The following TMEM177 variants were observed in gnomAD, a reference collection of about 807,000 sequenced individuals.
TMEM177 encodes transmembrane protein 177.
In TMEM177, 4 loss-of-function variants were observed where a neutral mutation model predicts 14.2. The observed-to-expected ratio is 0.28, with a 90% confidence interval of 0.14 to 0.64. The LOEUF (loss-of-function observed/expected upper bound fraction) is 0.64, where lower values mean the gene tolerates loss of function less well. Among genes scored for constraint, TMEM177 ranks in the 30% least tolerant of loss-of-function variants. TMEM177 has a pLI of 0.82. For missense variants in TMEM177, 344 were observed against 405.2 expected (o/e 0.85, Z 1.30); for synonymous variants, 179 against 174.5 (o/e 1.03, Z -0.20).
At chr2:119,699,351 C>G in the TMEM177 span, among the ~76,000 whole-genome samples, 14 of 152,162 alleles carry the variant, frequency 9.2e-5, no homozygotes, top group Non-Finnish European at 2.1e-4. Flanking sequence ...ATCACAAGCA[C>G]GGCACGGGGG....
downstream of TMEM177, among the ~76,000 whole-genome samples, chr2:119,688,848 C>T (rs903882541): frequency 1.3e-5 from 2 of 152,190 alleles, no homozygotes; most frequent in African/African-American, 2.4e-5. Flanking sequence ...TGCTGCGGAG[C>T]GGATTTGACT....
At chr2:119,714,408 T>C in the TMEM177 span, among the ~76,000 whole-genome samples, 2 of 152,118 alleles carry the variant, frequency 1.3e-5, no homozygotes, top group African/African-American at 4.8e-5. Context: ...AAAAAGTAAA[T>C]TGAGGGCTGT....
At chr2:119,703,373 G>T in the TMEM177 span, among the ~76,000 whole-genome samples, 1 of 152,156 alleles carries the variant, frequency 6.6e-6, no homozygotes, top group East Asian at 1.9e-4. Context: ...CTGTGGAGAG[G>T]CCCCATCCAC....
At chr2:119,697,362 A>T in the TMEM177 span, among the ~76,000 whole-genome samples, 1 of 152,188 alleles carries the variant, frequency 6.6e-6, no homozygotes, top group African/African-American at 2.4e-5. Context: ...GGAATTTGAG[A>T]TCAGCCCAGG....
the TMEM177 span, among the ~76,000 whole-genome samples, chr2:119,707,250 T>C: frequency 1.3e-5 from 2 of 152,250 alleles, no homozygotes; most frequent in Admixed American, 6.5e-5. Flanking sequence ...CTACACCTCA[T>C]TGGCCAGAAC....
chr2:119,711,784 G>A, the TMEM177 span, among the ~76,000 whole-genome samples: 1 of 152,150 alleles, frequency 6.6e-6, no homozygotes, highest in Non-Finnish European at 1.5e-5. Context: ...TGACTCCATG[G>A]AACAAAGGAG....
the TMEM177 span, among the ~76,000 whole-genome samples, chr2:119,713,560 C>T: frequency 6.6e-6 from 1 of 152,140 alleles, no homozygotes; most frequent in Non-Finnish European, 1.5e-5. Flanking sequence ...CACCATCTGG[C>T]CTGGCATGAT....
the TMEM177 span, among the ~76,000 whole-genome samples, chr2:119,712,187 A>G: frequency 3.3e-5 from 5 of 151,144 alleles, no homozygotes; most frequent in African/African-American, 4.9e-5. Context: ...TTCTTTATCT[A>G]TAAAAATGGA....
chr2:119,688,993 G>A (rs1243410883), downstream of TMEM177, among the ~76,000 whole-genome samples: 6 of 151,992 alleles, frequency 3.9e-5, no homozygotes, highest in Non-Finnish European at 7.4e-5. Flanking sequence ...ACTGTGGCTC[G>A]AGAACTCCCC....
downstream of TMEM177, among the ~76,000 whole-genome samples, chr2:119,685,184 A>G (rs1382678088): frequency 6.7e-6 from 1 of 148,644 alleles, no homozygotes; most frequent in African/African-American, 2.5e-5. Context: ...GAAAACTACA[A>G]CACACAAAGA....
At chr2:119,696,732 G>A in the TMEM177 span, among the ~76,000 whole-genome samples, 7 of 152,280 alleles carry the variant, frequency 4.6e-5, no homozygotes, top group Middle Eastern at 6.8e-3. Flanking sequence ...GTGGAAATCC[G>A]GGGAAAGAGC....
At chr2:119,723,256 G>A in the TMEM177 span, among the ~76,000 whole-genome samples, 4 of 152,146 alleles carry the variant, frequency 2.6e-5, no homozygotes, top group Admixed American at 6.5e-5. Context: ...GGTCTGAGTC[G>A]CACCCAGACT....
At chr2:119,689,299 C>T (rs114880002), downstream of TMEM177, among the ~76,000 whole-genome samples, 2 of 152,092 alleles carry the variant, frequency 1.3e-5, no homozygotes, top group South Asian at 2.1e-4. Context: ...AGAGTTCTAC[C>T]GAAGAGACTG....
chr2:119,685,223 C>A (rs974656406), downstream of TMEM177, among the ~76,000 whole-genome samples: 14 of 87,930 alleles, frequency 1.6e-4, no homozygotes, highest in South Asian at 5.2e-3. Flanking sequence ...CCCCCCCCCC[C>A]CTTTGCAGGC....
downstream of TMEM177, among the ~76,000 whole-genome samples, chr2:119,686,854 C>T (rs550379396): frequency 6.6e-6 from 1 of 152,278 alleles, no homozygotes; most frequent in East Asian, 1.9e-4. Context: ...AGGCGTGAGT[C>T]ACTTCACCTG....
the TMEM177 span, among the ~76,000 whole-genome samples, chr2:119,707,101 C>T: frequency 6.6e-6 from 1 of 151,932 alleles, no homozygotes; most frequent in Non-Finnish European, 1.5e-5. Flanking sequence ...TTAGTAGAGA[C>T]AGGGTTTCGC....
At chr2:119,679,830 C>T (rs1344056284) in intron 1 of TMEM177, among the ~76,000 whole-genome samples, 1 of 152,200 alleles carries the variant, frequency 6.6e-6, no homozygotes, top group East Asian at 1.9e-4. Context: ...TTTGGCATAA[C>T]AAGTTTTCTA....
At chr2:119,696,945 C>T in the TMEM177 span, among the ~76,000 whole-genome samples, 1 of 152,196 alleles carries the variant, frequency 6.6e-6, no homozygotes, top group Non-Finnish European at 1.5e-5. Context: ...TTTGTTCTAG[C>T]TTCACTCTGT....
Position 119,681,653 on chromosome 2 carries a change from A to G in TMEM177, c.800A>G (p.Asp267Gly). The change falls in exon 2 of 2, where the codon GAC becomes GGC. Residue 267 changes from aspartate to glycine, a missense_variant. Asp to Gly is a moderately conservative substitution (Grantham distance 94). Coordinates refer to ENST00000272521, the MANE Select transcript of TMEM177 (RefSeq NM_030577.3). ...NLALRSLLGK[D>G]GEKLYTPSGN... ...GCCCTGCGCAGTCTCTTGGGCAAAG[A>G]CGGGGAGAAGCTGTATACACCCAGC... 6.2e-7 allele frequency: 1 copy of G among 1,613,978 alleles called. No individual in the cohort carries two copies. Among genetic ancestry groups the G allele is most frequent in the Non-Finnish European group, 8.5e-7 (1 of 1,179,858 alleles).
Sources: allele counts gnomAD v4.1 joint callset (sites outside exome capture counted in the v4.1 genomes callset), GRCh38; gene constraint gnomAD v4.1.1; transcripts MANE v1.5; gene names NCBI Gene and HGNC (gene_info 2026-07-23, HGNC 2026-07-21).